The following BSPH1 variants were observed in gnomAD, a reference collection of about 807,000 sequenced individuals.
BSPH1 encodes binder of sperm 1.
BSPH1 carries 21 observed loss-of-function variants against 22.5 expected under a neutral mutation model. That is an observed-to-expected ratio of 0.93 (90% CI 0.66 to 1.35). BSPH1 has a LOEUF of 1.35. Ranked by LOEUF, BSPH1 falls within the 40% of genes most tolerant of loss-of-function variation. The pLI, the probability that BSPH1 is intolerant of heterozygous loss-of-function variation, is 0.00. For missense variants in BSPH1, 141 were observed against 154.2 expected, an observed-to-expected ratio of 0.91 and a Z score of 0.45; for synonymous variants, 42 against 53.6, an observed-to-expected ratio of 0.78 and a Z score of 0.95.
chr19:47,974,272 T>TC (rs1373519801), intron 5 of BSPH1, among the ~76,000 whole-genome samples: 1 of 147,978 alleles, frequency 6.8e-6, no homozygotes. Context: ...TCTCTCTCTT[T>TC]TTTTTTTTTT....
chr19:47,980,423 T>C, intron 2 of BSPH1: 1 of 519,966 alleles, frequency 1.9e-6, no homozygotes, highest in Non-Finnish European at 2.5e-6. Flanking sequence ...ACATGTTTAA[T>C]CACCCAAAAG....
chr19:47,971,097 T>C (rs1969306994), intron 5 of BSPH1, among the ~76,000 whole-genome samples: 1 of 152,172 alleles, frequency 6.6e-6, no homozygotes, highest in Non-Finnish European at 1.5e-5. Flanking sequence ...ACAGCCATGG[T>C]GTTGGGATCT....
chr19:47,977,446 C>G lies in BSPH1; in HGVS notation c.183G>C (p.Lys61Asn), dbSNP rs1969375694. Residue 61 changes from lysine (K) to asparagine (N), a missense_variant, in exon 4 of 6, where the codon AAG becomes AAC. Lys to Asn is a moderately conservative substitution (Grantham distance 94). Coordinates refer to ENST00000344839, the MANE Select transcript of BSPH1 (RefSeq NM_001128326.2). ...AGCACCACTTGTGTCTTGCCTTGGACTTGATGCAGTCATAATATGTTCCAT... is the reference window on the plus strand; with the variant it reads ...AGCACCACTTGTGTCTTGCCTTGGAGTTGATGCAGTCATAATATGTTCCAT... ...YKNGTYYDCIKSKARHKWCSL... is the reference protein window; with the variant it reads ...YKNGTYYDCINSKARHKWCSL... The G allele has an allele frequency of 6.4e-7, 1 of 1,551,848 alleles. No individual in the cohort carries two copies. Among genetic ancestry groups the G allele is most frequent in the Non-Finnish European group, 8.7e-7 (1 of 1,147,066 alleles).
intron 3 of BSPH1, among the ~76,000 whole-genome samples, chr19:47,978,005 T>TATATATATATATAG: frequency 1.0e-5 from 1 of 96,678 alleles, no homozygotes; most frequent in African/African-American, 4.6e-5. Flanking sequence ...ATACAGGATA[T>TATATATATATATAG]ATATATATAT....
In BSPH1 at chr19:47,991,980, C is replaced by T. The variant is rs984970779; in HGVS notation, c.73+29G>A. 5 of 1,417,782 alleles carry T rather than the reference C, an allele frequency of 3.5e-6. No individual in the cohort carries two copies. In the South Asian group the frequency reaches 4.9e-5, roughly 14 times the overall value. 87.8% of individuals were successfully genotyped at this position (1,417,782 alleles called of 1,614,324 possible). ...CTCCAAAGTTAAGCTATCTACCTTG[C>T]ATAGGAAGAAATATAGAAAAAGAAA... On this transcript the variant is annotated intron_variant, in intron 1 of 5. Coordinates refer to ENST00000344839, the MANE Select transcript of BSPH1 (RefSeq NM_001128326.2).
intron 3 of BSPH1, among the ~76,000 whole-genome samples, chr19:47,978,706 C>G (rs1969391712): frequency 6.6e-6 from 1 of 152,224 alleles, no homozygotes; most frequent in Non-Finnish European, 1.5e-5. Flanking sequence ...CATTTACACA[C>G]TTTAAAAATG....
chr19:47,987,821 A>C (rs1382147538), intron 1 of BSPH1, among the ~76,000 whole-genome samples: 2 of 152,072 alleles, frequency 1.3e-5, no homozygotes, highest in East Asian at 1.9e-4. Flanking sequence ...GCGAAATCTT[A>C]TCTCTACCAA....
intron 5 of BSPH1, among the ~76,000 whole-genome samples, chr19:47,974,214 ATTC>A (rs112978377): frequency 0.018 from 2,668 of 149,708 alleles, 75 homozygotes; most frequent in African/African-American, 0.063. Context: ...TGAGGTATTA[ATTC>A]CCTTGGCTCC....
intron 5 of BSPH1, 81 bp downstream of exon 5, chr19:47,976,629 C>T: frequency 2.4e-6 from 2 of 820,782 alleles, no homozygotes; most frequent in Non-Finnish European, 1.8e-6. Context: ...AGAAAGGGTT[C>T]TCCTCTGCCA....
chr19:47,983,507 G>A, intron 1 of BSPH1, among the ~76,000 whole-genome samples: 1 of 152,068 alleles, frequency 6.6e-6, no homozygotes, highest in East Asian at 1.9e-4. Context: ...TCTTAGAACA[G>A]GTATCACCAG....
Position 47,976,846 on chromosome 19 carries a change from T to G in BSPH1, c.265A>C (p.Asn89His). 1 of 1,551,112 alleles carries G rather than the reference T, an allele frequency of 6.4e-7. No individual in the cohort carries two copies. The highest frequency in any genetic ancestry group is 8.7e-7 in the Non-Finnish European group (1 of 1,146,842). The change falls in exon 5 of 6, where the codon AAC becomes CAC. Residue 89 changes from asparagine to histidine, a missense_variant. By Grantham distance (68) the Asn-to-His change is moderately conservative (BLOSUM62 1). Transcript: ENST00000344839. ...CTGTACCAGAAGGGAAATACACAGT[T>G]TGCAAAATCTGCAGAGGAGGAAGAG... ...WKFCSAEDFA[N>H]CVFPFWYRRL...
intron 5 of BSPH1, among the ~76,000 whole-genome samples, chr19:47,975,941 C>G (rs1233756816): frequency 6.6e-6 from 1 of 152,172 alleles, no homozygotes; most frequent in Non-Finnish European, 1.5e-5. Flanking sequence ...AGGCGTGAGC[C>G]ACCGTGCCCG....
At chr19:47,969,821 T>A (rs567639635) in intron 5 of BSPH1, among the ~76,000 whole-genome samples, 8 of 151,492 alleles carry the variant, frequency 5.3e-5, no homozygotes, top group African/African-American at 4.9e-5. Context: ...TGTGTGTGTG[T>A]GAGAGAGAGA....
chr19:47,984,446 T>C lies in BSPH1; in HGVS notation c.74-3505A>G, dbSNP rs112790140. On this transcript the variant is annotated intron_variant, in intron 1 of 5. Coordinates refer to ENST00000344839, the MANE Select transcript of BSPH1 (RefSeq NM_001128326.2). ...TCTTTTCATTCTCAAGAATTCACCTTTGGTCATAATTCAAGCTAAATTCTG... is the reference window on the plus strand; with the variant it reads ...TCTTTTCATTCTCAAGAATTCACCTCTGGTCATAATTCAAGCTAAATTCTG... Among the ~76,000 whole-genome samples the C allele has an allele frequency of 5.3e-5, 8 of 151,968 alleles. 2 individuals are homozygous for C. The highest frequency in any genetic ancestry group is 1.9e-4 in the African/African-American group (8 of 41,502).
At chr19:47,983,533 CAA>C (rs1969438747) in intron 1 of BSPH1, among the ~76,000 whole-genome samples, 16 of 152,158 alleles carry the variant, frequency 1.1e-4, no homozygotes, top group African/African-American at 3.9e-4. Context: ...CATCAGAATG[CAA>C]CATCCCCATA....
intron 1 of BSPH1, among the ~76,000 whole-genome samples, chr19:47,984,547 C>T (rs974938417): frequency 9.2e-5 from 14 of 152,074 alleles, no homozygotes; most frequent in Non-Finnish European, 1.6e-4. Flanking sequence ...AAACCCAAAT[C>T]GAAATTGTTT....
At chr19:47,971,453 G>C (rs1378908866) in intron 5 of BSPH1, among the ~76,000 whole-genome samples, 2 of 152,170 alleles carry the variant, frequency 1.3e-5, no homozygotes, top group African/African-American at 2.4e-5. Context: ...TGATCTGCCC[G>C]CCTCGGCCTC....
chr19:47,967,337 C>G (rs1969268888), downstream of BSPH1, among the ~76,000 whole-genome samples: 1 of 152,170 alleles, frequency 6.6e-6, no homozygotes, highest in Non-Finnish European at 1.5e-5. Flanking sequence ...AGGAGACTGG[C>G]CATTTCTAGT....
In BSPH1 at chr19:47,978,001, GATATATATATAT is replaced by G. The variant is rs10609973; in HGVS notation, c.125-509_125-498del. 1.0e-3 allele frequency among the ~76,000 whole-genome samples: 115 copies of G among 110,404 alleles called. 2 individuals are homozygous for G. The highest frequency in any genetic ancestry group is 2.0e-3 in the African/African-American group (60 of 29,686). 72.4% of individuals were successfully genotyped at this position (110,404 alleles called of 152,430 possible). A position where few individuals can be genotyped will look rare whatever the true frequency, so the allele number is the denominator to read the frequency against. On this transcript the variant is annotated intron_variant, in intron 3 of 5. Coordinates refer to ENST00000344839, the MANE Select transcript of BSPH1 (RefSeq NM_001128326.2). Reference sequence around the variant, plus strand: ...TATATATGCTGTATGGTTAATACAGGATATATATATATATATATATATATATATAGTTATAGG... The same window carrying G: ...TATATATGCTGTATGGTTAATACAGGATATATATATATATATAGTTATAGG...
Sources: allele counts gnomAD v4.1 joint callset (sites outside exome capture counted in the v4.1 genomes callset), GRCh38; gene constraint gnomAD v4.1.1; transcripts MANE v1.5; gene names NCBI Gene and HGNC (gene_info 2026-07-23, HGNC 2026-07-21).